Variants in MTSS1 observed in about 807,000 individuals in gnomAD.
The protein encoded by MTSS1 is MTSS I-BAR domain containing 1.
MTSS1 carries 18 observed loss-of-function variants against 79.0 expected under a neutral mutation model. That is an observed-to-expected ratio of 0.23 (90% CI 0.16 to 0.34). The LOEUF (loss-of-function observed/expected upper bound fraction) is 0.34. MTSS1 is among the 10% of genes least tolerant of loss of function. MTSS1 has a pLI of 1.00. For missense variants in MTSS1, 815 were observed against 986.2 expected (o/e 0.83, Z 2.33); for synonymous variants, 341 against 368.6 (o/e 0.93, Z 0.86).
chr8:124,629,452 C>T (rs71516752), intron 3 of MTSS1, among the ~76,000 whole-genome samples: 5,780 of 138,706 alleles, frequency 0.042, 150 homozygotes, highest in Middle Eastern at 0.096. Flanking sequence ...AGAGGTGGAG[C>T]TTGCAGTGAG....
At chr8:124,594,013 C>T (rs3857946) in intron 3 of MTSS1, among the ~76,000 whole-genome samples, 9,153 of 152,272 alleles carry the variant, frequency 0.06, 373 homozygotes, top group East Asian at 0.16. Flanking sequence ...TGCGCTCCAT[C>T]CTTGCTAAGC....
intron 3 of MTSS1, among the ~76,000 whole-genome samples, chr8:124,679,995 T>C (rs916304945): frequency 2.0e-5 from 3 of 152,122 alleles, no homozygotes; most frequent in Admixed American, 1.3e-4. Flanking sequence ...TTAGTCTTTA[T>C]TACCTTCTCC....
Position 124,553,191 on chromosome 8 carries a change from A to G in MTSS1, c.2069T>C (p.Ile690Thr). The G allele has an allele frequency of 6.2e-7, 1 of 1,614,024 alleles. No individual in the cohort carries two copies. The highest frequency in any genetic ancestry group is 8.5e-7 in the Non-Finnish European group (1 of 1,180,014). Residue 690 changes from isoleucine (I) to threonine (T), a missense_variant, in exon 14 of 14, where the codon ATT becomes ACT. Around this residue, in one of 2 missense-constraint regions of MTSS1, gnomAD observed 590 missense variants for 620.8 expected, o/e 0.95. Transcript: ENST00000518547. This position sits in a 1 kb window ranked among gnomAD's most constrained non-coding sequence, Gnocchi z 6.0. ...CTGGTCTTCAGCTTCACTTTCTGGA[A>G]TTGCCTGTCTGTGCTCCTCAGGGAT... ...PSIPEEHRQA[I>T]PESEAEDQER...
chr8:124,671,353 G>A (rs535822728), intron 3 of MTSS1, among the ~76,000 whole-genome samples: 10 of 152,112 alleles, frequency 6.6e-5, no homozygotes, highest in African/African-American at 2.2e-4. Context: ...TACCAAGCTG[G>A]ACACCATACC....
At chr8:124,580,418 A>T in intron 6 of MTSS1, 1 of 893,456 alleles carries the variant, frequency 1.1e-6, no homozygotes, top group Non-Finnish European at 1.7e-6. Context: ...GTGGAAAATT[A>T]GGTAGGCACA....
chr8:124,622,784 A>T (rs1813844394), intron 3 of MTSS1, among the ~76,000 whole-genome samples: 1 of 130,812 alleles, frequency 7.6e-6, no homozygotes, highest in Non-Finnish European at 1.6e-5. Context: ...CAGAGCAGGG[A>T]GTCCATCTCA....
chr8:124,619,638 C>A (rs1369088485), intron 3 of MTSS1, among the ~76,000 whole-genome samples: 1 of 151,976 alleles, frequency 6.6e-6, no homozygotes, highest in African/African-American at 2.4e-5. Flanking sequence ...CACAAATGAA[C>A]CTGCACAAAA....
In MTSS1 at chr8:124,597,498, G is replaced by GATTGCCCCTTGCTGC. The variant is rs1832969700; in HGVS notation, c.209-6278_209-6264dup. On this transcript the variant is annotated intron_variant, in intron 3 of 13. Transcript: ENST00000518547. This position sits in a 1 kb window ranked among gnomAD's most constrained non-coding sequence, Gnocchi z 4.6. ...CCTTGCCCCCTAAAGTCCGAAGTCA[G>GATTGCCCCTTGCTGC]ATTGCCCCTTGCTGCAGAGACCTGG... 1.3e-5 allele frequency among the ~76,000 whole-genome samples: 2 copies of GATTGCCCCTTGCTGC among 152,224 alleles called. No homozygotes were observed. The highest frequency in any genetic ancestry group is 6.5e-5 in the Admixed American group (1 of 15,286).
intron 9 of MTSS1, among the ~76,000 whole-genome samples, chr8:124,563,721 C>T (rs184359696): frequency 4.6e-5 from 7 of 152,300 alleles, no homozygotes; most frequent in Admixed American, 3.3e-4. Context: ...CAGCTTTCAG[C>T]GACTAAGGGC....
In MTSS1 at chr8:124,660,423, C is replaced by T. The variant is rs996584452; in HGVS notation, c.208+39103G>A. The stretch of plus-strand genomic sequence containing the variant: ...ATATTTTGGTATTTAGAAAGTTGCC[C>T]ATGCGCATGCACACACACACACACA... On this transcript the variant is annotated intron_variant, in intron 3 of 13. Coordinates refer to ENST00000518547, the MANE Select transcript of MTSS1 (RefSeq NM_014751.6). Among the ~76,000 whole-genome samples the T allele has an allele frequency of 7.1e-4, 93 of 131,394 alleles. 1 individual carries two copies. Among genetic ancestry groups the T allele is most frequent in the Non-Finnish European group, 1.4e-3 (87 of 64,346 alleles). 86.2% of individuals were successfully genotyped at this position (131,394 alleles called of 152,430 possible). A position where few individuals can be genotyped will look rare whatever the true frequency, so the allele number is the denominator to read the frequency against.
At chr8:124,559,682 A>G (rs1026398101) in intron 10 of MTSS1, among the ~76,000 whole-genome samples, 4 of 152,142 alleles carry the variant, frequency 2.6e-5, no homozygotes, top group African/African-American at 9.7e-5. Flanking sequence ...ACCTACACCC[A>G]AGTTTCTTCT....
rs1411208510 is a variant in MTSS1 at position 124,555,094 on chromosome 8, C to T, written c.1567+648G>A. 3.3e-5 allele frequency among the ~76,000 whole-genome samples: 5 copies of T among 152,204 alleles called. No homozygotes were observed. The East Asian group carries it at 9.6e-4, about 29-fold the overall frequency. On this transcript the variant is annotated intron_variant, in intron 13 of 13. Coordinates refer to ENST00000518547, the MANE Select transcript of MTSS1 (RefSeq NM_014751.6). The stretch of plus-strand genomic sequence containing the variant: ...TTCTGCAGCTCAAGCAATCTGCTCA[C>T]CTCAAAGTCCCAAAATGTTGAGATT...
At chr8:124,623,744 ATTCTCCTGCCTCAGCC>A (rs1176974191) in intron 3 of MTSS1, among the ~76,000 whole-genome samples, 4 of 152,056 alleles carry the variant, frequency 2.6e-5, no homozygotes, top group Non-Finnish European at 4.4e-5. Context: ...GGTTCAAGCG[ATTCTCCTGCCTCAGCC>A]TCCTGGGTAC....
chr8:124,580,762 C>G (rs574322985), intron 6 of MTSS1: 103 of 539,830 alleles, frequency 1.9e-4, no homozygotes, highest in Non-Finnish European at 3.0e-4. Context: ...TTACTAATAT[C>G]TTCCTTCCTT....
At chr8:124,567,512 A>C in intron 7 of MTSS1, 1 of 955,462 alleles carries the variant, frequency 1.0e-6, no homozygotes, top group South Asian at 2.2e-5. Flanking sequence ...CCCTCTTCAT[A>C]CTGTGGCCCT....
intron 3 of MTSS1, among the ~76,000 whole-genome samples, chr8:124,635,438 C>T (rs1816794847): frequency 6.6e-6 from 1 of 152,240 alleles, no homozygotes; most frequent in Non-Finnish European, 1.5e-5. Flanking sequence ...CTCAGGACTT[C>T]TTCACTGCAA....
intron 9 of MTSS1, among the ~76,000 whole-genome samples, 158 bp from the exon 10 acceptor site, chr8:124,563,150 ACAAAACACGTTTT>A (rs1825706445): frequency 6.6e-6 from 1 of 152,212 alleles, no homozygotes; most frequent in Non-Finnish European, 1.5e-5. Context: ...AGTGCAAACC[ACAAAACACGTTTT>A]CAAAACACCA....
chr8:124,612,573 AATGTGTGTGTGTGTGT>A (rs774629255), intron 3 of MTSS1, among the ~76,000 whole-genome samples: 1 of 119,750 alleles, frequency 8.4e-6, no homozygotes, highest in African/African-American at 3.1e-5. Flanking sequence ...CCAAGTTTAA[AATGTGTGTGTGTGTGT>A]GTGTGTGTGT....
Position 124,622,707 on chromosome 8 carries a change from C to G in MTSS1, c.209-31472G>C, listed in dbSNP as rs917633424. Among the ~76,000 whole-genome samples, 3 of 150,910 alleles carry G rather than the reference C, an allele frequency of 2.0e-5. 1 individual carries two copies. The South Asian group carries it at 6.3e-4, about 32-fold the overall frequency. On this transcript the variant is annotated intron_variant, in intron 3 of 13. Transcript: ENST00000518547. Reference sequence around the variant, plus strand: ...ACTCGGGAGGCTGAGGCAGGAGAATCGCTTGAGCCCGGGTGGTGGAGGTTA... The same window carrying G: ...ACTCGGGAGGCTGAGGCAGGAGAATGGCTTGAGCCCGGGTGGTGGAGGTTA...
Sources: gnomAD v4.1 joint callset for allele counts (sites outside exome capture counted in the v4.1 genomes callset) on GRCh38, gnomAD v4.1.1 for gene constraint, gnomAD v4.1.1 regional missense constraint, Gnocchi (gnomAD v3.1) non-coding constraint, MANE v1.5 for transcripts, NCBI Gene and HGNC (gene_info 2026-07-23, HGNC 2026-07-21) for gene names.